Variants in HSD17B3 observed in about 807,000 individuals in gnomAD.
The protein encoded by HSD17B3 is 17-beta-hydroxysteroid dehydrogenase type 3.
HSD17B3 carries 29 observed loss-of-function variants against 41.1 expected under a neutral mutation model. The ratio of observed to expected loss-of-function variants is 0.71; its 90% CI spans 0.53 to 0.96. The LOEUF is 0.96. Ranked by LOEUF, HSD17B3 falls within the 40% of genes least tolerant of loss-of-function variation. The pLI is 0.00. For missense variants in HSD17B3, 323 were observed against 374.6 expected, an observed-to-expected ratio of 0.86 and a Z score of 1.14; for synonymous variants, 126 against 145.6, an observed-to-expected ratio of 0.87 and a Z score of 0.97.
At chr9:96,287,709 CTAAA>C (rs201845606) in intron 2 of HSD17B3, among the ~76,000 whole-genome samples, 7 of 151,296 alleles carry the variant, frequency 4.6e-5, no homozygotes, top group Non-Finnish European at 8.8e-5. Context: ...GACTCCGTCT[CTAAA>C]TAAATAAATA....
At chr9:96,298,381 CA>C in intron 2 of HSD17B3, 34 bp downstream of exon 2, 1 of 1,573,760 alleles carries the variant, frequency 6.4e-7, no homozygotes, top group South Asian at 1.1e-5. Flanking sequence ...TTGTTCAATA[CA>C]AGGGAGGAGA....
chr9:96,244,837 G>C (rs1836595885), intron 8 of HSD17B3, among the ~76,000 whole-genome samples: 1 of 152,106 alleles, frequency 6.6e-6, no homozygotes, highest in African/African-American at 2.4e-5. Context: ...AGAGGGTAAG[G>C]GAAAAAATGA....
rs530222290 is a variant in HSD17B3 at position 96,236,073 on chromosome 9, G to C, written c.823-503C>G. 5.3e-5 allele frequency among the ~76,000 whole-genome samples: 8 copies of C among 151,590 alleles called. No homozygotes were observed. The East Asian group carries it at 1.6e-3, about 30-fold the overall frequency. On this transcript the variant is annotated intron_variant, in intron 10 of 10. Coordinates refer to ENST00000375263, the MANE Select transcript of HSD17B3 (RefSeq NM_000197.2). The stretch of plus-strand genomic sequence containing the variant: ...GATCCTCCTGCTTTGGCCTCCCAAA[G>C]TGTTGGGATTACAGGTGTGAGCCAC...
chr9:96,254,221 C>G lies in HSD17B3; in HGVS notation c.277+647G>C, dbSNP rs772684231. ...ACAGTGTACAACCTCCACATCCTTA[C>G]ATGATGATCCTGGATCAAAACTGTT... On this transcript the variant is annotated intron_variant, in intron 3 of 10. Transcript: ENST00000375263. Among the ~76,000 whole-genome samples the G allele has an allele frequency of 3.2e-4, 49 of 152,118 alleles. 1 individual carries two copies. The highest frequency in any genetic ancestry group is 9.8e-4 in the Admixed American group (15 of 15,266).
intron 1 of HSD17B3, among the ~76,000 whole-genome samples, chr9:96,300,311 T>C (rs1827547241): frequency 9.9e-6 from 1 of 101,124 alleles, no homozygotes; most frequent in Non-Finnish European, 2.1e-5. Context: ...CCAAACAATT[T>C]CTCACACGGT....
chr9:96,244,775 A>C (rs1208578186), intron 8 of HSD17B3, among the ~76,000 whole-genome samples: 1 of 152,124 alleles, frequency 6.6e-6, no homozygotes, highest in Non-Finnish European at 1.5e-5. Flanking sequence ...ATAAATAGAC[A>C]CAATTTTTAT....
In HSD17B3 at chr9:96,289,192, G is replaced by GGTGTGTGT. The variant is rs67271328; in HGVS notation, c.201+9216_201+9223dup. On this transcript the variant is annotated intron_variant, in intron 2 of 10. Coordinates refer to ENST00000375263, the MANE Select transcript of HSD17B3 (RefSeq NM_000197.2). Reference sequence around the variant, plus strand: ...TGTTTCTTTAAACAGTTGATTTCCTGGTGTGTGTGTGTGTGTGTGTGTGTG... The same window carrying GGTGTGTGT: ...TGTTTCTTTAAACAGTTGATTTCCTGGTGTGTGTGTGTGTGTGTGTGTGTGTGTGTGTG... Among the ~76,000 whole-genome samples the GGTGTGTGT allele has an allele frequency of 4.1e-3, 614 of 148,222 alleles. 4 individuals carry two copies. The highest frequency in any genetic ancestry group is 0.015 in the African/African-American group (584 of 40,008).
intron 2 of HSD17B3, among the ~76,000 whole-genome samples, chr9:96,270,676 G>A (rs374785814): frequency 6.6e-6 from 1 of 152,232 alleles, no homozygotes; most frequent in African/African-American, 2.4e-5. Context: ...AAGTTATCGG[G>A]AACACTGTCT....
chr9:96,286,922 C>G (rs1487550346), intron 2 of HSD17B3, among the ~76,000 whole-genome samples: 15 of 152,192 alleles, frequency 9.9e-5, no homozygotes, highest in Admixed American at 9.8e-4. Context: ...GCTGCTCTGT[C>G]TATGGAGTAG....
intron 2 of HSD17B3, among the ~76,000 whole-genome samples, chr9:96,284,215 T>TAAAAA (rs569621446): frequency 0.012 from 1,178 of 100,122 alleles, 16 homozygotes; most frequent in Non-Finnish European, 0.014. Flanking sequence ...GACTCCATCT[T>TAAAAA]AAAAAAAAAA....
chr9:96,252,877 T>G lies in HSD17B3; in HGVS notation c.311A>C (p.Gln104Pro). The stretch of plus-strand genomic sequence containing the variant: ...GATGTCATCTTTTGTAAAATCTGCT[T>G]GTATAATCTTCACACTCCTCCCTGT... ...RTTGRSVKII[Q>P]ADFTKDDIYE... Residue 104 changes from glutamine to proline, a missense_variant, in exon 4 of 11, where the codon CAA becomes CCA. Physicochemically the swap from Gln to Pro is moderately conservative, Grantham distance 76. Coordinates refer to ENST00000375263, the MANE Select transcript of HSD17B3 (RefSeq NM_000197.2). 1 of 1,613,180 alleles carries G rather than the reference T, an allele frequency of 6.2e-7. No homozygotes were observed. The highest frequency in any genetic ancestry group is 8.5e-7 in the Non-Finnish European group (1 of 1,179,166).
chr9:96,262,634 T>C (rs1368783995), intron 2 of HSD17B3, among the ~76,000 whole-genome samples: 2 of 152,180 alleles, frequency 1.3e-5, no homozygotes, highest in Non-Finnish European at 2.9e-5. Context: ...TAATCTGAAA[T>C]TTATTAATAT....
intron 3 of HSD17B3, among the ~76,000 whole-genome samples, chr9:96,253,279 GCCA>G (rs1825501526): frequency 6.6e-6 from 1 of 152,136 alleles, no homozygotes; most frequent in African/African-American, 2.4e-5. Flanking sequence ...GTGGAGCCCA[GCCA>G]GCCACCTGCT....
chr9:96,239,200 C>T (rs1251629513), intron 10 of HSD17B3: 1 of 152,594 alleles, frequency 6.6e-6, no homozygotes, highest in African/African-American at 2.4e-5. Flanking sequence ...CCAGCCCACA[C>T]ACATGGAAGG....
chr9:96,253,053 C>A, intron 3 of HSD17B3, 143 bp from the exon 4 acceptor site: 1 of 706,598 alleles, frequency 1.4e-6, no homozygotes, highest in Non-Finnish European at 2.6e-6. Context: ...GGACATGGTT[C>A]TGGGTAAATG....
At chr9:96,266,814 C>T (rs1360277263) in intron 2 of HSD17B3, among the ~76,000 whole-genome samples, 2 of 152,094 alleles carry the variant, frequency 1.3e-5, no homozygotes, top group Non-Finnish European at 2.9e-5. Context: ...CTCTCCGAGA[C>T]TGAGGAGATA....
rs119481076 is a variant in HSD17B3, at chr9:96,244,393, G to A, written c.608C>T (p.Ala203Val). 1.2e-5 allele frequency: 19 copies of A among 1,614,010 alleles called. No individual in the cohort carries two copies. Among genetic ancestry groups the A allele is most frequent in the Admixed American group, 3.3e-5 (2 of 60,008 alleles). Residue 203 changes from alanine to valine, a missense_variant and splice_region_variant, in exon 9 of 11, where the codon GCG becomes GTG. Physicochemically the swap from Ala to Val is moderately conservative, Grantham distance 64 (BLOSUM62 0). Coordinates refer to ENST00000375263, the MANE Select transcript of HSD17B3 (RefSeq NM_000197.2). Reference sequence around the variant, plus strand: ...GGCCTTGGAAAATGCGCACACAAACGCCTGGAGCAAGAAGGAGAGACACCT... The same window carrying A: ...GGCCTTGGAAAATGCGCACACAAACACCTGGAGCAAGAAGGAGAGACACCT... ...PLYSMYSASK[A>V]FVCAFSKALQ...
chr9:96,262,330 G>A (rs773077976), intron 2 of HSD17B3, among the ~76,000 whole-genome samples: 8 of 122,720 alleles, frequency 6.5e-5, no homozygotes, highest in African/African-American at 2.1e-4. Flanking sequence ...TGCAAACTCC[G>A]CCTCCCCAGG....
At chr9:96,270,327 T>A (rs1826196216) in intron 2 of HSD17B3, among the ~76,000 whole-genome samples, 1 of 151,868 alleles carries the variant, frequency 6.6e-6, no homozygotes, top group Admixed American at 6.6e-5. Context: ...TGGCATGCTA[T>A]AATGTACTTA....
Sources: gnomAD v4.1 joint callset for allele counts (sites outside exome capture counted in the v4.1 genomes callset) on GRCh38, gnomAD v4.1.1 for gene constraint, MANE v1.5 for transcripts, NCBI Gene and HGNC (gene_info 2026-07-23, HGNC 2026-07-21) for gene names.